Variants in AMIGO2 observed in about 807,000 individuals in gnomAD.
AMIGO2 encodes amphoterin-induced protein 2.
A neutral mutation model predicts 23.7 loss-of-function variants in AMIGO2; 15 were observed. That is an observed-to-expected ratio of 0.63 (90% CI 0.42 to 0.98). The LOEUF (loss-of-function observed/expected upper bound fraction) is 0.98, where lower values mean the gene tolerates loss of function less well. AMIGO2 is among the 50% of genes least tolerant of loss of function. The pLI is 0.00. For synonymous variants in AMIGO2, 264 were observed against 252.3 expected, an observed-to-expected ratio of 1.05 and a Z score of -0.44; for missense variants, 561 against 633.1, an observed-to-expected ratio of 0.89 and a Z score of 1.22.
Position 47,078,540 on chromosome 12 carries a change from A to G in AMIGO2, c.463T>C (p.Tyr155His), listed in dbSNP as rs758403966. 1.9e-6 allele frequency: 3 copies of G among 1,614,102 alleles called. No individual in the cohort carries two copies. In the African/African-American group the frequency reaches 4.0e-5, roughly 22 times the overall value. Residue 155 changes from tyrosine to histidine, a missense_variant, in exon 3 of 3, where the codon TAT becomes CAT. By Grantham distance (83) the Tyr-to-His change is moderately conservative (BLOSUM62 2). Coordinates refer to ENST00000550413, the MANE Select transcript of AMIGO2 (RefSeq NM_001370299.1). ...VLLLYNNHIS[Y>H]LDPSAFGGLS... The stretch of plus-strand genomic sequence containing the variant: ...CCTCCAAACGCTGAAGGATCGAGAT[A>G]GGATATGTGATTGTTGTAAAGCAGA...
In AMIGO2 at chr12:47,079,251, G is replaced by T; in HGVS notation, c.-170-3C>A. On this transcript the variant is annotated splice_region_variant and splice_polypyrimidine_tract_variant and intron_variant, in intron 1 of 2. Transcript: ENST00000550413. ...TTTTCCTCTTTCCTGGGTTAGTCCT[G>T]CTTATAAAAATGTACAGTCACATTC... The T allele has an allele frequency of 2.2e-6, 1 of 444,614 alleles. No individual in the cohort carries two copies. Among genetic ancestry groups the T allele is most frequent in the Non-Finnish European group, 3.9e-6 (1 of 258,192 alleles). The allele number at this position is 444,614 out of a possible 1,614,324, so 27.5% of individuals were successfully genotyped here. A position where few individuals can be genotyped will look rare whatever the true frequency, so the allele number is the denominator to read the frequency against.
In AMIGO2 at chr12:47,079,866, G is replaced by C. The variant is rs965401691; in HGVS notation, c.-575C>G. ...CCGCACTCGGGAGGCTGCAGGACCC[G>C]GGGTTCCCGCGCGCCCGGGGCCGGG... is the stretch of plus-strand genomic sequence containing the variant. On this transcript the variant is annotated 5_prime_UTR_variant, in exon 1 of 3. Coordinates refer to ENST00000550413, the MANE Select transcript of AMIGO2 (RefSeq NM_001370299.1). The C allele has an allele frequency of 6.6e-6, 1 of 150,606 alleles. No homozygotes were observed. Among genetic ancestry groups the C allele is most frequent in the African/African-American group, 2.4e-5 (1 of 41,274 alleles). 9.3% of individuals were successfully genotyped at this position (150,606 alleles called of 1,614,324 possible).
In AMIGO2 at chr12:47,078,633, A is replaced by C; in HGVS notation, c.370T>G (p.Leu124Val). Residue 124 changes from leucine (L) to valine (V), a missense_variant, in exon 3 of 3, where the codon TTA becomes GTA. Transcript: ENST00000550413. Reference protein sequence around the residue: ...STTPNLKCLDLSSNKLKTVKN... With the variant: ...STTPNLKCLDVSSNKLKTVKN... ...ACCGTCTTCAGCTTATTGGACGATAAGTCAAGACACTTCAAATTTGGAGTT... is the reference window on the plus strand; with the variant it reads ...ACCGTCTTCAGCTTATTGGACGATACGTCAAGACACTTCAAATTTGGAGTT... 6.2e-7 allele frequency: 1 copy of C among 1,614,248 alleles called. No individual in the cohort carries two copies. The highest frequency in any genetic ancestry group is 8.5e-7 in the Non-Finnish European group (1 of 1,180,048).
rs1941868970 is a variant in AMIGO2, at chr12:47,077,380, C to A, written c.*54G>T. The stretch of plus-strand genomic sequence containing the variant: ...TGCTGTTTATTTTGCAGACCACACA[C>A]AAAGTTAAATATGAACAGATTAAAT... On this transcript the variant is annotated 3_prime_UTR_variant, in exon 3 of 3. Coordinates refer to ENST00000550413, the MANE Select transcript of AMIGO2 (RefSeq NM_001370299.1). 6.5e-7 allele frequency: 1 copy of A among 1,548,886 alleles called. No individual in the cohort carries two copies. The highest frequency in any genetic ancestry group is 8.7e-7 in the Non-Finnish European group (1 of 1,145,678).
Position 47,076,451 on chromosome 12 carries a change from GGA to G in AMIGO2, c.*981_*982del, listed in dbSNP as rs1192717137. The G allele has an allele frequency of 6.9e-6, 1 of 144,232 alleles. No homozygotes were observed. The highest frequency in any genetic ancestry group is 1.5e-5 in the Non-Finnish European group (1 of 65,734). 8.9% of individuals were successfully genotyped at this position (144,232 alleles called of 1,614,324 possible). On this transcript the variant is annotated 3_prime_UTR_variant, in exon 3 of 3. Transcript: ENST00000550413. ...TAAAAAAATCAACTTTAAGAATTTT[GGA>G]GAGAGATTTGCTATCAGTGGTGCTT...
At position 47,078,055 on chromosome 12, in the gene AMIGO2, A is replaced by G. The variant is rs774168105; in HGVS notation, c.948T>C (p.Asn316=). Residue 316 remains asparagine (N), a synonymous_variant, in exon 3 of 3, where the codon AAT becomes AAC. Coordinates refer to ENST00000550413, the MANE Select transcript of AMIGO2 (RefSeq NM_001370299.1). The part of the protein sequence containing the change: ...LMVHCDSKTG[N]ANTDFIWVGP... ...CCACCCAGATGAAATCCGTATTTGC[A>G]TTACCTGTCTTGCTGTCACAGTGGA... The G allele has an allele frequency of 6.2e-7, 1 of 1,614,134 alleles. No individual in the cohort carries two copies. The highest frequency in any genetic ancestry group is 2.2e-5 in the East Asian group (1 of 44,888).
chr12:47,077,820 C>T lies in AMIGO2; in HGVS notation c.1183G>A (p.Ala395Thr). ...AGAGTGGTAAAAGCTGTGTTAAATG[C>T]CTCATGAGCATGGGATCTGCTTACA... ...FTVSRSHAHEAFNTAFTTLAA... is the reference protein window; with the variant it reads ...FTVSRSHAHETFNTAFTTLAA... The change falls in exon 3 of 3, where the codon GCA becomes ACA. Residue 395 changes from alanine (A) to threonine (T), a missense_variant. Physicochemically the swap from Ala to Thr is moderately conservative, Grantham distance 58. Transcript: ENST00000550413. The T allele has an allele frequency of 6.2e-7, 1 of 1,614,180 alleles. No homozygotes were observed. The highest frequency in any genetic ancestry group is 8.5e-7 in the Non-Finnish European group (1 of 1,180,026).
Position 47,077,849 on chromosome 12 carries a change from A to T in AMIGO2, c.1154T>A (p.Phe385Tyr), listed in dbSNP as rs529461731. Residue 385 changes from phenylalanine to tyrosine, a missense_variant, in exon 3 of 3, where the codon TTC becomes TAC. Coordinates refer to ENST00000550413, the MANE Select transcript of AMIGO2 (RefSeq NM_001370299.1). Reference sequence around the variant, plus strand: ...ATGAGCATGGGATCTGCTTACAGTGAAATTGCTCACATTTATTGTGACGTC... The same window carrying T: ...ATGAGCATGGGATCTGCTTACAGTGTAATTGCTCACATTTATTGTGACGTC... ...TVDVTINVSN[F>Y]TVSRSHAHEA... 16 of 1,614,218 alleles carry T rather than the reference A, an allele frequency of 9.9e-6. No homozygotes were observed. The South Asian group carries it at 1.5e-4, about 16-fold the overall frequency.
downstream of AMIGO2, chr12:47,075,785 T>C (rs1941848596): frequency 6.6e-6 from 1 of 152,228 alleles, no homozygotes; most frequent in African/African-American, 2.4e-5. Context: ...TCCCATTCTT[T>C]AAAAATTATC....
Position 47,077,772 on chromosome 12 carries a change from C to G in AMIGO2, c.1231G>C (p.Val411Leu), listed in dbSNP as rs77621437. The change falls in exon 3 of 3, where the codon GTT (valine) becomes CTT (leucine). Residue 411 changes from valine (V) to leucine (L), a missense_variant. Physicochemically the swap from Val to Leu is conservative, Grantham distance 32. Coordinates refer to ENST00000550413, the MANE Select transcript of AMIGO2 (RefSeq NM_001370299.1). ...AGATAGAGGTACAAAAGTACCAAAA[C>G]GATACTGGCCACGCAAGCAGCAAGA... ...TTLAACVASIVLVLLYLYLTP... is the reference protein window; with the variant it reads ...TTLAACVASILLVLLYLYLTP... 1,869 of 1,614,178 alleles carry G rather than the reference C, an allele frequency of 1.2e-3. 33 individuals carry two copies. The East Asian group carries it at 0.037, about 32-fold the overall frequency.
chr12:47,077,723 T>C lies in AMIGO2; in HGVS notation c.1280A>G (p.Lys427Arg), dbSNP rs374351118. The change falls in exon 3 of 3, where the codon AAA (lysine) becomes AGA (arginine). Residue 427 changes from lysine (K) to arginine (R), a missense_variant. By Grantham distance (26) the Lys-to-Arg change is conservative (BLOSUM62 2). Transcript: ENST00000550413. Reference sequence around the variant, plus strand: ...TAGCATATTTTTCTGTCTCTTGGTTTTACACTTGCAGGGGCATGGAGTCAG... The same window carrying C: ...TAGCATATTTTTCTGTCTCTTGGTTCTACACTTGCAGGGGCATGGAGTCAG... ...LYLTPCPCKC[K>R]TKRQKNMLHQ... 3.1e-6 allele frequency: 5 copies of C among 1,614,086 alleles called. No homozygotes were observed. In the African/African-American group the frequency reaches 6.7e-5, roughly 22 times the overall value.
At position 47,079,081 on chromosome 12, in the gene AMIGO2, T is replaced by C. The variant is rs1399143369; in HGVS notation, c.-63-16A>G. 1.3e-6 allele frequency: 2 copies of C among 1,508,006 alleles called. No homozygotes were observed. Among genetic ancestry groups the C allele is most frequent in the African/African-American group, 1.4e-5 (1 of 71,544 alleles). The allele number at this position is 1,508,006 out of a possible 1,614,324, so 93.4% of individuals were successfully genotyped here. Reference sequence around the variant, plus strand: ...ACCAGTGAACCTGGCAAACAATTAATAATTCAGAGGGAGTAAAAAGCAGAA... The same window carrying C: ...ACCAGTGAACCTGGCAAACAATTAACAATTCAGAGGGAGTAAAAAGCAGAA... On this transcript the variant is annotated splice_polypyrimidine_tract_variant and intron_variant, in intron 2 of 2. Transcript: ENST00000550413.
In AMIGO2 at chr12:47,078,772, A is replaced by C; in HGVS notation, c.231T>G (p.Tyr77Ter). 3.1e-6 allele frequency: 5 copies of C among 1,614,232 alleles called. No individual in the cohort carries two copies. Among genetic ancestry groups the C allele is most frequent in the Non-Finnish European group, 2.5e-6 (3 of 1,180,040 alleles). ...CAGAATCCAGAAGCCCAATTCTGTT[A>C]TAACTCAGGTCCAGTCTCTTAATCA... ...FRLIKRLDLS[Y>*]NRIGLLDSEW... Residue 77 changes from tyrosine to a stop codon, truncating the protein, a stop_gained, in exon 3 of 3, where the codon TAT (tyrosine) becomes TAG (stop). Transcript: ENST00000550413. LOFTEE classifies it high-confidence loss of function.
chr12:47,079,312 A>G, intron 1 of AMIGO2, 64 bp from the exon 2 acceptor site: 1 of 267,076 alleles, frequency 3.7e-6, no homozygotes, highest in Non-Finnish European at 7.0e-6. Flanking sequence ...CACCATCAGA[A>G]ACTCAATTTT....
In AMIGO2 at chr12:47,077,726, C is replaced by T; in HGVS notation, c.1277G>A (p.Cys426Tyr). ...YLYLTPCPCK[C>Y]KTKRQKNMLH... is the part of the protein sequence containing the mutation. ...CATATTTTTCTGTCTCTTGGTTTTA[C>T]ACTTGCAGGGGCATGGAGTCAGATA... Residue 426 changes from cysteine to tyrosine, a missense_variant, in exon 3 of 3, where the codon TGT (cysteine) becomes TAT (tyrosine). Cys to Tyr is a radical substitution (Grantham distance 194). Coordinates refer to ENST00000550413, the MANE Select transcript of AMIGO2 (RefSeq NM_001370299.1). The T allele has an allele frequency of 1.2e-6, 2 of 1,614,202 alleles. No individual in the cohort carries two copies. Among genetic ancestry groups the T allele is most frequent in the Non-Finnish European group, 1.7e-6 (2 of 1,180,034 alleles).
Position 47,077,448 on chromosome 12 carries a change from C to T in AMIGO2, c.1555G>A (p.Val519Met), listed in dbSNP as rs765304150. The T allele has an allele frequency of 9.3e-6, 15 of 1,612,646 alleles. No homozygotes were observed. The highest frequency in any genetic ancestry group is 1.6e-4 in the Middle Eastern group (1 of 6,080). ...VNSVFSDTPF[V>M]AST ...ATAGGCACAAATTAAGTGGACGCCA[C>T]AAAAGGTGTGTCAGAAAACACTGAA... Residue 519 changes from valine (V) to methionine (M), a missense_variant, in exon 3 of 3, where the codon GTG becomes ATG. Val to Met is a conservative substitution (Grantham distance 21). Transcript: ENST00000550413.
At position 47,078,082 on chromosome 12, in the gene AMIGO2, C is replaced by T. The variant is rs761513937; in HGVS notation, c.921G>A (p.Met307Ile). ...IHEAQVGERL[M>I]VHCDSKTGNA... ...TACCTGTCTTGCTGTCACAGTGGAC[C>T]ATCAGTCTTTCCCCGACCTGAGCCT... The change falls in exon 3 of 3, where the codon ATG (methionine) becomes ATA (isoleucine). Residue 307 changes from methionine (M) to isoleucine (I), a missense_variant. Physicochemically the swap from Met to Ile is conservative, Grantham distance 10. Transcript: ENST00000550413. 3.7e-6 allele frequency: 6 copies of T among 1,614,128 alleles called. No individual in the cohort carries two copies. In the South Asian group the frequency reaches 6.6e-5, roughly 18 times the overall value.
chr12:47,077,830 A>G lies in AMIGO2; in HGVS notation c.1173T>C (p.His391=), dbSNP rs1941880063. ...NVSNFTVSRS[H]AHEAFNTAFT... ...AAGCTGTGTTAAATGCCTCATGAGCATGGGATCTGCTTACAGTGAAATTGC... is the reference window on the plus strand; with the variant it reads ...AAGCTGTGTTAAATGCCTCATGAGCGTGGGATCTGCTTACAGTGAAATTGC... Residue 391 remains histidine, a synonymous_variant, in exon 3 of 3, where the codon CAT becomes CAC. Transcript: ENST00000550413. The G allele has an allele frequency of 1.2e-6, 2 of 1,614,236 alleles. No individual in the cohort carries two copies. Among genetic ancestry groups the G allele is most frequent in the Non-Finnish European group, 8.5e-7 (1 of 1,180,042 alleles).
In AMIGO2 at chr12:47,078,385, G is replaced by A; in HGVS notation, c.618C>T (p.Ser206=). 1 of 1,614,060 alleles carries A rather than the reference G, an allele frequency of 6.2e-7. No individual in the cohort carries two copies. The highest frequency in any genetic ancestry group is 8.5e-7 in the Non-Finnish European group (1 of 1,180,040). The part of the protein sequence containing the change: ...FLDVSYNRIP[S]MPMHHINLVP... ...CTAAATTTATGTGGTGCATTGGCAT[G>A]GAAGGAATTCGGTTATAAGAAACAT... Residue 206 remains serine, a synonymous_variant, in exon 3 of 3, where the codon TCC becomes TCT. Coordinates refer to ENST00000550413, the MANE Select transcript of AMIGO2 (RefSeq NM_001370299.1).
Sources: allele counts gnomAD v4.1 joint callset, GRCh38; gene constraint gnomAD v4.1.1; transcripts MANE v1.5; gene names NCBI Gene and HGNC (gene_info 2026-07-23, HGNC 2026-07-21).